The following PGM3 variants were observed in gnomAD, a reference collection of about 807,000 sequenced individuals.
The protein encoded by PGM3 is phosphoacetylglucosamine mutase.
A neutral mutation model predicts 66.2 loss-of-function variants in PGM3; 40 were observed. The ratio of observed to expected loss-of-function variants is 0.60; its 90% CI spans 0.47 to 0.79. The LOEUF (loss-of-function observed/expected upper bound fraction) is 0.79. PGM3 is among the 30% of genes least tolerant of loss of function. The probability of loss-of-function intolerance (pLI) is 0.00; values close to 1 mark genes in which losing one functional copy is unlikely to be tolerated. For missense variants in PGM3, 537 were observed against 643.4 expected (o/e 0.83, Z 1.79); for synonymous variants, 191 against 224.2 (o/e 0.85, Z 1.32).
downstream of PGM3, chr6:83,160,019 T>G (rs1363228666): frequency 8.0e-6 from 12 of 1,497,428 alleles, no homozygotes; most frequent in African/African-American, 1.4e-5. Flanking sequence ...CTTTGGTCAC[T>G]GACATCTATG....
At chr6:83,157,757 T>C (rs1411420729), downstream of PGM3, among the ~76,000 whole-genome samples, 1 of 152,168 alleles carries the variant, frequency 6.6e-6, no homozygotes, top group Non-Finnish European at 1.5e-5. Flanking sequence ...CATTTAAACT[T>C]GCTTCAGAGA....
At position 83,172,053 on chromosome 6, in the gene PGM3, C is replaced by T. The variant is rs769995060; in HGVS notation, c.1249G>A (p.Gly417Ser). ...ACCAGCATGTCAGAAATAGCATCAC[C>T]AGCTGCCTGCAAATGGGGAAACAAA... Reference protein sequence around the residue: ...NIIDLFNQAAGDAISDMLVIE... With the variant: ...NIIDLFNQAASDAISDMLVIE... Residue 417 changes from glycine (G) to serine (S), a missense_variant, in exon 11 of 13, where the codon GGT becomes AGT. Coordinates refer to ENST00000513973, the MANE Select transcript of PGM3 (RefSeq NM_015599.3). 6.2e-7 allele frequency: 1 copy of T among 1,613,702 alleles called. No homozygotes were observed. Among genetic ancestry groups the T allele is most frequent in the East Asian group, 2.2e-5 (1 of 44,864 alleles).
downstream of PGM3, among the ~76,000 whole-genome samples, chr6:83,163,104 A>G (rs1562389777): frequency 6.6e-6 from 1 of 152,164 alleles, no homozygotes; most frequent in Non-Finnish European, 1.5e-5. Flanking sequence ...AACATATCGT[A>G]TGTATTTTAA....
In PGM3 at chr6:83,168,500, ATTGG is replaced by A. The variant is rs753904790; in HGVS notation, c.*730_*733del. The A allele has an allele frequency of 1.8e-5, 18 of 1,016,900 alleles. No individual in the cohort carries two copies. The highest frequency in any genetic ancestry group is 2.1e-5 in the Non-Finnish European group (18 of 850,472). The allele number at this position is 1,016,900 out of a possible 1,614,324, so 63.0% of individuals were successfully genotyped here. A position where few individuals can be genotyped will look rare whatever the true frequency, so the allele number is the denominator to read the frequency against. On this transcript the variant is annotated 3_prime_UTR_variant, in exon 13 of 13. Coordinates refer to ENST00000513973, the MANE Select transcript of PGM3 (RefSeq NM_015599.3). The stretch of plus-strand genomic sequence containing the variant: ...TGGTTTCAGACTTGGTTCAATTAAG[ATTGG>A]TTGGGGATTTTTCTCTTTTCCTTAT...
chr6:83,162,887 C>G (rs764952238), downstream of PGM3: 1 of 1,612,562 alleles, frequency 6.2e-7, no homozygotes, highest in South Asian at 1.1e-5. Context: ...TTACGTGGTA[C>G]GACTAGCAAA....
At chr6:83,188,117 T>C (rs1788722942) in intron 3 of PGM3, among the ~76,000 whole-genome samples, 1 of 152,190 alleles carries the variant, frequency 6.6e-6, no homozygotes. Flanking sequence ...TCTAATATTT[T>C]ACAAAAAGAC....
rs745598523 is a variant in PGM3, at chr6:83,167,992, A to T, written c.*1242T>A. 1 of 1,614,200 alleles carries T rather than the reference A, an allele frequency of 6.2e-7. No individual in the cohort carries two copies. On this transcript the variant is annotated 3_prime_UTR_variant, in exon 13 of 13. Coordinates refer to ENST00000513973, the MANE Select transcript of PGM3 (RefSeq NM_015599.3). ...TTCAATGTGCTCAGTCAAGTCTTCA[A>T]CAGCAAAGTCACAAGCCGATGTGGA...
At chr6:83,164,481 C>T (rs906036256), downstream of PGM3, among the ~76,000 whole-genome samples, 7 of 152,106 alleles carry the variant, frequency 4.6e-5, no homozygotes, top group Non-Finnish European at 8.8e-5. Context: ...ATAAGACCCC[C>T]CTCCTTTATC....
At chr6:83,157,114 C>T (rs554687233), downstream of PGM3, 57 of 1,509,154 alleles carry the variant, frequency 3.8e-5, no homozygotes, top group South Asian at 3.8e-4. Context: ...AGTACTGGAC[C>T]GACAATATAG....
downstream of PGM3, chr6:83,157,241 C>G: frequency 6.2e-7 from 1 of 1,613,992 alleles, no homozygotes; most frequent in Middle Eastern, 1.6e-4. Flanking sequence ...TCAAGTGTTC[C>G]TGTTTTTCAG....
downstream of PGM3, chr6:83,158,599 C>T (rs1335917041): frequency 6.2e-7 from 1 of 1,607,694 alleles, no homozygotes; most frequent in Non-Finnish European, 8.5e-7. Flanking sequence ...AGCAGGAACT[C>T]ACTGCTGATG....
chr6:83,168,990 A>G lies in PGM3; in HGVS notation c.*244T>C. The G allele has an allele frequency of 7.8e-7, 1 of 1,288,328 alleles. No homozygotes were observed. The allele number at this position is 1,288,328 out of a possible 1,614,324, so 79.8% of individuals were successfully genotyped here. A position where few individuals can be genotyped will look rare whatever the true frequency, so the allele number is the denominator to read the frequency against. ...TGTACAGTTAGTGACTGAATTGTAT[A>G]CTTAAGTCCCAGTATTTTACATTAG... is the stretch of plus-strand genomic sequence containing the variant. On this transcript the variant is annotated 3_prime_UTR_variant, in exon 13 of 13. Coordinates refer to ENST00000513973, the MANE Select transcript of PGM3 (RefSeq NM_015599.3).
At chr6:83,179,760 A>T in intron 7 of PGM3, 50 bp downstream of exon 7, 1 of 1,398,096 alleles carries the variant, frequency 7.2e-7, no homozygotes, top group Non-Finnish European at 9.8e-7. Flanking sequence ...ATATGGAACT[A>T]TTTCACTACT....
chr6:83,156,771 G>A (rs1221347158), downstream of PGM3, among the ~76,000 whole-genome samples: 1 of 152,134 alleles, frequency 6.6e-6, no homozygotes, highest in African/African-American at 2.4e-5. Flanking sequence ...ATGATTCCTT[G>A]TTTCCTAACC....
intron 3 of PGM3, 35 bp downstream of exon 3, chr6:83,188,579 A>G: frequency 6.8e-7 from 1 of 1,469,154 alleles, no homozygotes; most frequent in South Asian, 1.2e-5. Context: ...ACGTTCCCAA[A>G]GGTTTTTTTT....
At chr6:83,162,959 A>G (rs776373797), downstream of PGM3, 1 of 1,585,418 alleles carries the variant, frequency 6.3e-7, no homozygotes, top group Admixed American at 1.8e-5. Flanking sequence ...TTACATCACT[A>G]CATGTTGCAT....
downstream of PGM3, among the ~76,000 whole-genome samples, chr6:83,158,203 A>C (rs1256504691): frequency 6.6e-6 from 1 of 152,048 alleles, no homozygotes; most frequent in African/African-American, 2.4e-5. Context: ...GGGTTTCAGC[A>C]TGTTAGCCAG....
At chr6:83,190,069 C>T (rs1215975806) in intron 2 of PGM3, among the ~76,000 whole-genome samples, 2 of 152,042 alleles carry the variant, frequency 1.3e-5, no homozygotes, top group African/African-American at 2.4e-5. Context: ...AGCGTGGTGA[C>T]TATAGTTCAT....
At chr6:83,164,591 A>G (rs1468457851), downstream of PGM3, 7 of 1,434,726 alleles carry the variant, frequency 4.9e-6, no homozygotes, top group Non-Finnish European at 6.7e-6. Context: ...CACCTTAAAC[A>G]AGGTCTTCAT....
Sources: allele counts gnomAD v4.1 joint callset (sites outside exome capture counted in the v4.1 genomes callset), GRCh38; gene constraint gnomAD v4.1.1; transcripts MANE v1.5; gene names NCBI Gene and HGNC (gene_info 2026-07-23, HGNC 2026-07-21).